The following STRN variants were observed in gnomAD, a reference collection of about 807,000 sequenced individuals.
STRN encodes protein phosphatase 2 regulatory subunit B'''alpha.
Under a neutral mutation model 96.3 loss-of-function variants are expected in STRN, and 53 were observed. The ratio of observed to expected loss-of-function variants is 0.55; its 90% CI spans 0.44 to 0.69. The LOEUF is 0.69. Among genes scored for constraint, STRN ranks in the 30% least tolerant of loss-of-function variants. The pLI is 0.00. For missense variants in STRN, 987 were observed against 963.9 expected (o/e 1.02, Z -0.32); for synonymous variants, 428 against 355.9 (o/e 1.20, Z -2.28).
chr2:36,872,553 A>G (rs1668789662), intron 10 of STRN, among the ~76,000 whole-genome samples: 1 of 152,220 alleles, frequency 6.6e-6, no homozygotes, highest in Admixed American at 6.5e-5. Context: ...TTAAGCCGCT[A>G]AGTTTTGGCA....
intron 2 of STRN, among the ~76,000 whole-genome samples, chr2:36,916,443 T>C (rs1441941521): frequency 6.6e-6 from 1 of 151,884 alleles, no homozygotes; most frequent in Non-Finnish European, 1.5e-5. Flanking sequence ...GTTTCTGTAG[T>C]ATTCAAATTT....
chr2:36,925,028 C>A, intron 2 of STRN, 77 bp downstream of exon 2: 1 of 1,351,074 alleles, frequency 7.4e-7, no homozygotes, highest in Non-Finnish European at 1.1e-6. Context: ...TGCACCCCAG[C>A]CTGGGCAACA....
chr2:36,873,497 T>C (rs1668819021), intron 10 of STRN, among the ~76,000 whole-genome samples: 1 of 152,058 alleles, frequency 6.6e-6, no homozygotes, highest in Non-Finnish European at 1.5e-5. Context: ...AAGGCAGAAG[T>C]TGCAGTGAGT....
rs781278495 is a variant in STRN, at chr2:36,902,729, T to C, written c.514A>G (p.Thr172Ala). Reference protein sequence around the residue: ...LRQYLQEVGYTDTILDVKSKR... With the variant: ...LRQYLQEVGYADTILDVKSKR... ...GATTTCACATCTAGAATAGTATCTG[T>C]ATAACCCACCTCCTGTAGATACCTG... Residue 172 changes from threonine (T) to alanine (A), a missense_variant, in exon 5 of 18, where the codon ACA (threonine) becomes GCA (alanine). By Grantham distance (58) the Thr-to-Ala change is moderately conservative. Transcript: ENST00000263918. The C allele has an allele frequency of 1.2e-6, 2 of 1,609,382 alleles. No homozygotes were observed. Among genetic ancestry groups the C allele is most frequent in the Non-Finnish European group, 1.7e-6 (2 of 1,177,002 alleles).
In STRN at chr2:36,846,845, C is replaced by T. The variant is rs923652798; in HGVS notation, c.*2611G>A. The T allele has an allele frequency of 6.6e-6, 1 of 152,034 alleles. No homozygotes were observed. Among genetic ancestry groups the T allele is most frequent in the Non-Finnish European group, 1.5e-5 (1 of 67,986 alleles). The allele number at this position is 152,034 out of a possible 1,614,324, so 9.4% of individuals were successfully genotyped here. A position where few individuals can be genotyped will look rare whatever the true frequency, so the allele number is the denominator to read the frequency against. Reference sequence around the variant, plus strand: ...CTGCAAGCTCCCAGAGATGTATCCACAGCATATGAAAATAAGGCAGGGATC... The same window carrying T: ...CTGCAAGCTCCCAGAGATGTATCCATAGCATATGAAAATAAGGCAGGGATC... On this transcript the variant is annotated 3_prime_UTR_variant, in exon 18 of 18. Coordinates refer to ENST00000263918, the MANE Select transcript of STRN (RefSeq NM_003162.4).
chr2:36,909,009 A>T (rs539093711), intron 3 of STRN, among the ~76,000 whole-genome samples: 1 of 151,386 alleles, frequency 6.6e-6, no homozygotes, highest in Admixed American at 6.6e-5. Flanking sequence ...AAAAAAAAAT[A>T]GCTGGGCAAG....
chr2:36,915,990 G>C (rs1670087461), intron 3 of STRN, 88 bp downstream of exon 3: 2 of 1,177,746 alleles, frequency 1.7e-6, no homozygotes, highest in East Asian at 4.9e-5. Flanking sequence ...CAAATAATTA[G>C]AAAGTAACTT....
intron 1 of STRN, among the ~76,000 whole-genome samples, chr2:36,947,491 T>C (rs1664608456): frequency 6.6e-6 from 1 of 150,610 alleles, no homozygotes; most frequent in Admixed American, 6.6e-5. Flanking sequence ...AATTCCTACC[T>C]TTATTACAAA....
At chr2:36,878,880 G>A (rs1230534694) in intron 9 of STRN, among the ~76,000 whole-genome samples, 2 of 151,698 alleles carry the variant, frequency 1.3e-5, no homozygotes, top group East Asian at 1.9e-4. Flanking sequence ...AGCCTCCCGA[G>A]TAGCTGGGAT....
rs753897636 is a variant in STRN at position 36,847,916 on chromosome 2, T to C, written c.*1540A>G. 8 of 152,242 alleles carry C rather than the reference T, an allele frequency of 5.3e-5. No individual in the cohort carries two copies. Among genetic ancestry groups the C allele is most frequent in the Non-Finnish European group, 8.8e-5 (6 of 68,040 alleles). The allele number at this position is 152,242 out of a possible 1,614,324, so 9.4% of individuals were successfully genotyped here. On this transcript the variant is annotated 3_prime_UTR_variant, in exon 18 of 18. Transcript: ENST00000263918. ...CTATAGATTTAATATTTTTAAAATCTAAGAGCCTATTTATATGTTTTTTGG... is the reference window on the plus strand; with the variant it reads ...CTATAGATTTAATATTTTTAAAATCCAAGAGCCTATTTATATGTTTTTTGG...
At chr2:36,855,496 T>C in intron 14 of STRN, 144 bp from the exon 15 acceptor site, 2 of 776,040 alleles carry the variant, frequency 2.6e-6, no homozygotes, top group Non-Finnish European at 3.9e-6. Flanking sequence ...CTCATAACTA[T>C]TCATTGGAGA....
At chr2:36,861,311 G>C (rs970960727) in intron 12 of STRN, 58 bp from the exon 13 acceptor site, 1 of 1,571,526 alleles carries the variant, frequency 6.4e-7, no homozygotes, top group Non-Finnish European at 8.6e-7. Flanking sequence ...CTGATAATAT[G>C]ACTTGTTAAA....
At position 36,966,492 on chromosome 2, in the gene STRN, C is replaced by T. The variant is rs918249612; in HGVS notation, c.-29G>A. On this transcript the variant is annotated 5_prime_UTR_variant, in exon 1 of 18. Coordinates refer to ENST00000263918, the MANE Select transcript of STRN (RefSeq NM_003162.4). ...GGCCGCAGATACCCGGGGAGCTGCCCCGGCGCCCAGCAGCGGAGGCAACAG... is the reference window on the plus strand; with the variant it reads ...GGCCGCAGATACCCGGGGAGCTGCCTCGGCGCCCAGCAGCGGAGGCAACAG... The T allele has an allele frequency of 1.4e-6, 2 of 1,399,568 alleles. No individual in the cohort carries two copies. Among genetic ancestry groups the T allele is most frequent in the Admixed American group, 3.4e-5 (1 of 29,052 alleles). 86.7% of individuals were successfully genotyped at this position (1,399,568 alleles called of 1,614,324 possible).
chr2:36,942,057 GGC>G (rs1298512835), intron 1 of STRN, among the ~76,000 whole-genome samples: 7 of 152,148 alleles, frequency 4.6e-5, no homozygotes, highest in Non-Finnish European at 1.0e-4. Flanking sequence ...GGCCAAACAC[GGC>G]TATGTGACCA....
chr2:36,905,323 G>C (rs1669793048), intron 4 of STRN, among the ~76,000 whole-genome samples: 1 of 152,088 alleles, frequency 6.6e-6, no homozygotes, highest in African/African-American at 2.4e-5. Context: ...GCAATGAAAA[G>C]AATAACTTTA....
In STRN at chr2:36,861,272, T is replaced by C. The variant is rs368982877; in HGVS notation, c.1548-19A>G. On this transcript the variant is annotated intron_variant, in intron 12 of 17. Coordinates refer to ENST00000263918, the MANE Select transcript of STRN (RefSeq NM_003162.4). ...TGGACCTCTGGGAGATTAAAAAAAA[T>C]AAATCAACTGCTATTCTCAAAAACC... 5.0e-5 allele frequency: 81 copies of C among 1,606,012 alleles called. No individual in the cohort carries two copies. The highest frequency in any genetic ancestry group is 6.7e-5 in the Non-Finnish European group (79 of 1,177,754).
At chr2:36,875,813 T>C (rs192804223) in intron 10 of STRN, among the ~76,000 whole-genome samples, 2 of 152,028 alleles carry the variant, frequency 1.3e-5, no homozygotes, top group African/African-American at 2.4e-5. Flanking sequence ...CCCGCCACAA[T>C]GCCCAGCTAA....
chr2:36,965,627 A>C (rs970262820), intron 1 of STRN, among the ~76,000 whole-genome samples: 3 of 152,176 alleles, frequency 2.0e-5, no homozygotes, highest in Admixed American at 6.5e-5. Flanking sequence ...AAATACCTAA[A>C]AGAAACGTGG....
intron 1 of STRN, among the ~76,000 whole-genome samples, chr2:36,945,794 A>G (rs927783981): frequency 5.9e-5 from 9 of 152,368 alleles, no homozygotes; most frequent in Non-Finnish European, 1.2e-4. Context: ...AAAAAACAAC[A>G]TATTATCTTA....
Sources: gnomAD v4.1 joint callset for allele counts (sites outside exome capture counted in the v4.1 genomes callset) on GRCh38, gnomAD v4.1.1 for gene constraint, MANE v1.5 for transcripts, NCBI Gene and HGNC (gene_info 2026-07-23, HGNC 2026-07-21) for gene names.